The following RPRD2 variants were observed in gnomAD, a reference collection of about 807,000 sequenced individuals.
The protein encoded by RPRD2 is regulation of nuclear pre-mRNA domain-containing protein 2.
A neutral mutation model predicts 104.4 loss-of-function variants in RPRD2; 12 were observed. The ratio of observed to expected loss-of-function variants is 0.11; its 90% CI spans 0.07 to 0.19. RPRD2 has a LOEUF of 0.19. Ranked by LOEUF, RPRD2 falls within the 10% of genes least tolerant of loss-of-function variation. The probability of loss-of-function intolerance (pLI) is 1.00; values close to 1 mark genes in which losing one functional copy is unlikely to be tolerated. For synonymous variants in RPRD2, 714 were observed against 684.9 expected, an observed-to-expected ratio of 1.04 and a Z score of -0.66; for missense variants, 1,543 against 1,790.1, an observed-to-expected ratio of 0.86 and a Z score of 2.49.
At chr1:150,396,195 T>A (rs1389595087) in intron 1 of RPRD2, among the ~76,000 whole-genome samples, 25 of 142,588 alleles carry the variant, frequency 1.8e-4, no homozygotes, top group African/African-American at 6.4e-4. Flanking sequence ...GGATCGTCTG[T>A]GTGTTTTTTT....
At chr1:150,395,804 C>T (rs781922250) in intron 1 of RPRD2, among the ~76,000 whole-genome samples, 11 of 152,194 alleles carry the variant, frequency 7.2e-5, no homozygotes, top group Non-Finnish European at 1.2e-4. Flanking sequence ...CCACCGCGTC[C>T]GGCCGCAAGT....
chr1:150,457,731 T>C (rs1346299124), intron 8 of RPRD2, among the ~76,000 whole-genome samples, 161 bp downstream of exon 8: 1 of 152,222 alleles, frequency 6.6e-6, no homozygotes, highest in South Asian at 2.1e-4. Context: ...GGATTTGATA[T>C]GCCAAATGTG....
chr1:150,393,617 C>G (rs1662267120), intron 1 of RPRD2, among the ~76,000 whole-genome samples: 1 of 151,910 alleles, frequency 6.6e-6, no homozygotes, highest in Non-Finnish European at 1.5e-5. Flanking sequence ...GAAAAACATG[C>G]ATTTATAATG....
In RPRD2 at chr1:150,474,124, A is replaced by G. The variant is rs587656603; in HGVS notation, c.*790A>G. The G allele has an allele frequency of 6.6e-6, 1 of 152,330 alleles. No individual in the cohort carries two copies. The highest frequency in any genetic ancestry group is 6.5e-5 in the Admixed American group (1 of 15,290). The allele number at this position is 152,330 out of a possible 1,614,324, so 9.4% of individuals were successfully genotyped here. ...GTTTCACATGTCTTGCACCAAGCTCATGCCTCTTGCTTTTCCTTTTTGACT... is the reference window on the plus strand; with the variant it reads ...GTTTCACATGTCTTGCACCAAGCTCGTGCCTCTTGCTTTTCCTTTTTGACT... On this transcript the variant is annotated 3_prime_UTR_variant, in exon 11 of 11. Transcript: ENST00000369068.
intron 9 of RPRD2, among the ~76,000 whole-genome samples, chr1:150,463,362 T>TA (rs1668065249): frequency 6.6e-6 from 1 of 152,184 alleles, no homozygotes; most frequent in African/African-American, 2.4e-5. Context: ...TAAAGTATTT[T>TA]AATATATAAC....
In RPRD2 at chr1:150,443,253, T is replaced by C. The variant is rs781787162; in HGVS notation, c.537T>C (p.Ala179=). The C allele has an allele frequency of 1.9e-6, 3 of 1,577,582 alleles. No individual in the cohort carries two copies. The highest frequency in any genetic ancestry group is 2.6e-6 in the Non-Finnish European group (3 of 1,159,962). The change falls in exon 5 of 11, where the codon GCT becomes GCC. Residue 179 remains alanine (A), a synonymous_variant. Transcript: ENST00000369068. Reference sequence around the variant, plus strand: ...CAGCATCTACAAATCCAAAAGCTGCTCTCAAGTCTAAGATAGTTGCTGAAT... The same window carrying C: ...CAGCATCTACAAATCCAAAAGCTGCCCTCAAGTCTAAGATAGTTGCTGAAT... The part of the protein sequence containing the change: ...KSQTSTNPKA[A]LKSKIVAEFR...
At chr1:150,463,895 C>T (rs1348806607) in intron 9 of RPRD2, among the ~76,000 whole-genome samples, 1 of 152,146 alleles carries the variant, frequency 6.6e-6, no homozygotes, top group African/African-American at 2.4e-5. Flanking sequence ...TAATTCCCAG[C>T]ACTTTGAAAA....
intron 7 of RPRD2, among the ~76,000 whole-genome samples, chr1:150,455,232 G>A (rs1236293756): frequency 1.3e-5 from 2 of 152,106 alleles, no homozygotes; most frequent in African/African-American, 2.4e-5. Flanking sequence ...GGCCGGGCGC[G>A]ATGGCTTACG....
intron 2 of RPRD2, among the ~76,000 whole-genome samples, chr1:150,435,479 A>G (rs1208954384): frequency 6.6e-6 from 1 of 152,242 alleles, no homozygotes; most frequent in Non-Finnish European, 1.5e-5. Context: ...CTTGTAGGAA[A>G]TTAAAAATGC....
intron 8 of RPRD2, among the ~76,000 whole-genome samples, chr1:150,458,795 CACCACACCCGGCTATTTTT>C (rs1553898200): frequency 3.3e-5 from 5 of 151,996 alleles, no homozygotes; most frequent in Non-Finnish European, 7.4e-5. Flanking sequence ...AGGTGCATAC[CACCACACCCGGCTATTTTT>C]TGTATGTTTA....
chr1:150,472,929 C>G lies in RPRD2; in HGVS notation c.3981C>G (p.Asp1327Glu). Residue 1327 changes from aspartate (D) to glutamate (E), a missense_variant, in exon 11 of 11, where the codon GAC becomes GAG. Physicochemically the swap from Asp to Glu is conservative, Grantham distance 45. Around this residue, in one of 4 missense-constraint regions of RPRD2, gnomAD observed 880 missense variants for 885.6 expected, o/e 0.99. Transcript: ENST00000369068. ...GGGCTGTGGCAGTATTTCCCAAGGACCATAGTTCCCTCCTTCAAGGGACCC... is the reference window on the plus strand; with the variant it reads ...GGGCTGTGGCAGTATTTCCCAAGGAGCATAGTTCCCTCCTTCAAGGGACCC... ...VAGAVAVFPK[D>E]HSSLLQGTLA... is the part of the protein sequence containing the mutation. 1 of 1,613,534 alleles carries G rather than the reference C, an allele frequency of 6.2e-7. No individual in the cohort carries two copies. Among genetic ancestry groups the G allele is most frequent in the Non-Finnish European group, 8.5e-7 (1 of 1,179,650 alleles).
chr1:150,457,998 G>A (rs1389111564), intron 8 of RPRD2, among the ~76,000 whole-genome samples: 2 of 152,164 alleles, frequency 1.3e-5, no homozygotes, highest in African/African-American at 4.8e-5. Context: ...TTGAACCTGA[G>A]AGAGGGGTTG....
intron 2 of RPRD2, among the ~76,000 whole-genome samples, chr1:150,423,230 A>G (rs900541238): frequency 1.3e-5 from 2 of 152,198 alleles, no homozygotes; most frequent in African/African-American, 2.4e-5. Flanking sequence ...AAAAGTGTCT[A>G]TGAATGTCAG....
intron 1 of RPRD2, among the ~76,000 whole-genome samples, chr1:150,384,683 T>TGTGTG (rs1560155301): frequency 0.032 from 3,799 of 117,652 alleles, 71 homozygotes; most frequent in South Asian, 0.042. Flanking sequence ...GTGTGTGTGT[T>TGTGTG]TTTAGTAGAG....
chr1:150,425,415 A>G (rs183837295), intron 2 of RPRD2, among the ~76,000 whole-genome samples: 1,739 of 152,254 alleles, frequency 0.011, 14 homozygotes, highest in Non-Finnish European at 0.018. Context: ...AGGCCGAGGC[A>G]GGTGGATCAC....
At chr1:150,470,098 TTTGAAGG>T (rs1234846323) in intron 10 of RPRD2, among the ~76,000 whole-genome samples, 1 of 151,936 alleles carries the variant, frequency 6.6e-6, no homozygotes, top group South Asian at 2.1e-4. Context: ...AGATAATAAG[TTTGAAGG>T]TTGAAGGTTG....
chr1:150,412,477 G>GA lies in RPRD2; in HGVS notation c.206-5115dup, dbSNP rs141737411. On this transcript the variant is annotated intron_variant, in intron 1 of 10. Coordinates refer to ENST00000369068, the MANE Select transcript of RPRD2 (RefSeq NM_015203.5). ...TTGGACGTTTTCCTATGGATGAGTA[G>GA]AAAACCACTGAAAACGGTTTAGGAT... is the stretch of plus-strand genomic sequence containing the variant. Among the ~76,000 whole-genome samples, 540 of 152,236 alleles carry GA rather than the reference G, an allele frequency of 3.5e-3. 15 individuals carry two copies. In the East Asian group the frequency reaches 0.07, roughly 20 times the overall value.
intron 1 of RPRD2, among the ~76,000 whole-genome samples, chr1:150,416,283 A>C (rs1553888530): frequency 6.6e-6 from 1 of 152,156 alleles, no homozygotes; most frequent in African/African-American, 2.4e-5. Context: ...TGAAGAATTG[A>C]GTACTGAGAA....
At chr1:150,440,576 C>T (rs1396568343) in intron 2 of RPRD2, among the ~76,000 whole-genome samples, 1 of 152,044 alleles carries the variant, frequency 6.6e-6, no homozygotes, top group Non-Finnish European at 1.5e-5. Context: ...ATTGCTAAAC[C>T]TTGTCTTCTC....
Sources: allele counts gnomAD v4.1 joint callset (sites outside exome capture counted in the v4.1 genomes callset), GRCh38; gene constraint gnomAD v4.1.1; regional missense constraint gnomAD v4.1.1; transcripts MANE v1.5; gene names NCBI Gene and HGNC (gene_info 2026-07-23, HGNC 2026-07-21).